Variants in PRKCQ observed in about 807,000 individuals in gnomAD.
PRKCQ encodes the protein protein kinase C theta.
In PRKCQ, 41 loss-of-function variants were observed where a neutral mutation model predicts 91.2. The observed-to-expected ratio is 0.45, with a 90% CI of 0.35 to 0.58. PRKCQ has a LOEUF of 0.58. Ranked by LOEUF, PRKCQ falls within the 20% of genes least tolerant of loss-of-function variation. The pLI is 0.00. For synonymous variants in PRKCQ, 307 were observed against 316.9 expected, an observed-to-expected ratio of 0.97 and a Z score of 0.33; for missense variants, 673 against 896.5, an observed-to-expected ratio of 0.75 and a Z score of 3.18.
the PRKCQ span, among the ~76,000 whole-genome samples, chr10:6,416,967 A>G: frequency 6.6e-6 from 1 of 152,210 alleles, no homozygotes; most frequent in African/African-American, 2.4e-5. Context: ...TGGTCATTTT[A>G]TAGCCAGACC....
intron 15 of PRKCQ, among the ~76,000 whole-genome samples, chr10:6,454,712 G>A (rs1366820869): frequency 6.6e-6 from 1 of 152,110 alleles, no homozygotes; most frequent in Non-Finnish European, 1.5e-5. Flanking sequence ...GAGGTCTCAA[G>A]CAGGAAAGTG....
At position 6,432,881 on chromosome 10, in the gene PRKCQ, C is replaced by A. The variant is rs1233096905; in HGVS notation, c.1837-1943G>T. On this transcript the variant is annotated intron_variant, in intron 16 of 17. Transcript: ENST00000263125. Reference sequence around the variant, plus strand: ...GACATTTCCATCTTGCCATGAGATACCCTCCCCTAGTCGACTCCTGCTTCC... The same window carrying A: ...GACATTTCCATCTTGCCATGAGATAACCTCCCCTAGTCGACTCCTGCTTCC... Among the ~76,000 whole-genome samples the A allele has an allele frequency of 2.6e-5, 4 of 152,142 alleles. No homozygotes were observed. The East Asian group carries it at 7.7e-4, about 29-fold the overall frequency.
At chr10:6,472,050 C>T (rs748542985) in intron 12 of PRKCQ, among the ~76,000 whole-genome samples, 3 of 151,558 alleles carry the variant, frequency 2.0e-5, no homozygotes, top group Non-Finnish European at 2.9e-5. Context: ...GGCTCACGCC[C>T]GTAATCCTAG....
chr10:6,449,752 A>C (rs1834546004), intron 15 of PRKCQ, among the ~76,000 whole-genome samples: 1 of 152,264 alleles, frequency 6.6e-6, no homozygotes, highest in Admixed American at 6.5e-5. Context: ...AAACTCTACA[A>C]GCCAGAAGAC....
intron 1 of PRKCQ, among the ~76,000 whole-genome samples, chr10:6,559,524 A>G (rs1343907414): frequency 6.6e-6 from 1 of 152,070 alleles, no homozygotes; most frequent in East Asian, 1.9e-4. Context: ...ACACCCAGCT[A>G]ATTTTTATAT....
chr10:6,580,547 G>C (rs1175898991), upstream of PRKCQ: 1 of 152,392 alleles, frequency 6.6e-6, no homozygotes, highest in African/African-American at 2.4e-5. Flanking sequence ...GGCGGCGGCC[G>C]GAGGGCCCAG....
chr10:6,436,626 G>T lies in PRKCQ; in HGVS notation c.1836+5267C>A, dbSNP rs1352846384. ...CCACTAATCTGACTTCCATTTCTATGGTGTTGCCACTTTAATGAAGTTATA... is the reference window on the plus strand; with the variant it reads ...CCACTAATCTGACTTCCATTTCTATTGTGTTGCCACTTTAATGAAGTTATA... On this transcript the variant is annotated intron_variant, in intron 16 of 17. Coordinates refer to ENST00000263125, the MANE Select transcript of PRKCQ (RefSeq NM_006257.5). 3.9e-5 allele frequency among the ~76,000 whole-genome samples: 6 copies of T among 152,230 alleles called. No homozygotes were observed. The East Asian group carries it at 7.7e-4, about 20-fold the overall frequency.
At chr10:6,567,769 T>C (rs1439216929) in intron 1 of PRKCQ, among the ~76,000 whole-genome samples, 1 of 152,242 alleles carries the variant, frequency 6.6e-6, no homozygotes, top group East Asian at 1.9e-4. Flanking sequence ...TGTTGGTTTA[T>C]TCTACTTTTA....
At chr10:6,434,482 A>ACCG (rs1274332905) in intron 16 of PRKCQ, among the ~76,000 whole-genome samples, 8 of 152,210 alleles carry the variant, frequency 5.3e-5, no homozygotes, top group Non-Finnish European at 1.0e-4. Context: ...AAATTAGTAT[A>ACCG]TGTTCTGCCT....
chr10:6,472,745 C>T (rs1836057234), intron 12 of PRKCQ, among the ~76,000 whole-genome samples: 2 of 152,168 alleles, frequency 1.3e-5, no homozygotes, highest in South Asian at 4.1e-4. Flanking sequence ...CGGAGTTTCA[C>T]TGTTTCGCCC....
chr10:6,445,471 G>A (rs1280636769), intron 15 of PRKCQ, among the ~76,000 whole-genome samples: 2 of 152,162 alleles, frequency 1.3e-5, no homozygotes, highest in Non-Finnish European at 2.9e-5. Context: ...CTTCTTGTTT[G>A]TGAAAAACGG....
At position 6,497,821 on chromosome 10, in the gene PRKCQ, T is replaced by G. The variant is rs1837699321; in HGVS notation, c.543-570A>C. 2.6e-5 allele frequency among the ~76,000 whole-genome samples: 4 copies of G among 152,186 alleles called. No individual in the cohort carries two copies. In the South Asian group the frequency reaches 8.3e-4, roughly 32 times the overall value. ...TACACAGGAGCTGTGCTTTAACAGT[T>G]TCTGCAGTAGCCTAAAGGGAAGAGT... On this transcript the variant is annotated intron_variant, in intron 5 of 17. Transcript: ENST00000263125. The surrounding 1 kb of genome is among the most constrained non-coding windows in gnomAD (Gnocchi z 4.5).
the PRKCQ span, among the ~76,000 whole-genome samples, chr10:6,400,893 G>A: frequency 3.3e-5 from 5 of 152,288 alleles, no homozygotes; most frequent in East Asian, 9.7e-4. Flanking sequence ...TGGGTACCAT[G>A]TTAGATGCTA....
At chr10:6,431,463 T>C (rs928128478) in intron 16 of PRKCQ, among the ~76,000 whole-genome samples, 6 of 152,064 alleles carry the variant, frequency 3.9e-5, no homozygotes, top group Non-Finnish European at 8.8e-5. Context: ...CACATGGACA[T>C]GAACACATAC....
At chr10:6,515,184 A>G in intron 1 of PRKCQ, 40 bp from the exon 2 acceptor site, 8 of 1,609,208 alleles carry the variant, frequency 5.0e-6, no homozygotes, top group Non-Finnish European at 6.8e-6. Flanking sequence ...TGGGGGCTAT[A>G]AAAGATATTA....
At chr10:6,525,770 T>C (rs1368588266) in intron 1 of PRKCQ, among the ~76,000 whole-genome samples, 1 of 152,194 alleles carries the variant, frequency 6.6e-6, no homozygotes, top group East Asian at 1.9e-4. Context: ...TTGGTTTCTT[T>C]GAGGGGGATC....
chr10:6,417,083 C>T, the PRKCQ span, among the ~76,000 whole-genome samples: 3 of 152,186 alleles, frequency 2.0e-5, no homozygotes, highest in Non-Finnish European at 4.4e-5. Flanking sequence ...GAGGTCTCCA[C>T]CTCACCATAT....
chr10:6,425,194 A>G (rs1833085590), downstream of PRKCQ, among the ~76,000 whole-genome samples: 2 of 149,284 alleles, frequency 1.3e-5, no homozygotes, highest in Non-Finnish European at 3.0e-5. Context: ...TGTAAGCTTT[A>G]TGGTCTCCCT....
intron 1 of PRKCQ, among the ~76,000 whole-genome samples, chr10:6,559,644 C>G (rs962788196): frequency 7.9e-5 from 12 of 152,124 alleles, no homozygotes; most frequent in African/African-American, 2.9e-4. Context: ...CAGGTGTGAG[C>G]CACCGTGCCT....
Sources: gnomAD v4.1 joint callset for allele counts (sites outside exome capture counted in the v4.1 genomes callset) on GRCh38, gnomAD v4.1.1 for gene constraint, Gnocchi (gnomAD v3.1) non-coding constraint, MANE v1.5 for transcripts, NCBI Gene and HGNC (gene_info 2026-07-23, HGNC 2026-07-21) for gene names.